ELFN2: variants seen among roughly 807,000 people sequenced by gnomAD.
The protein encoded by ELFN2 is protein phosphatase 1 regulatory subunit 29.
A neutral mutation model predicts 45.5 loss-of-function variants in ELFN2; 17 were observed. That is an observed-to-expected ratio of 0.37 (90% CI 0.26 to 0.56). The LOEUF (loss-of-function observed/expected upper bound fraction) is 0.56. Ranked by LOEUF, ELFN2 falls within the 20% of genes least tolerant of loss-of-function variation. The pLI, the probability that ELFN2 is intolerant of heterozygous loss-of-function variation, is 0.77. For synonymous variants in ELFN2, 550 were observed against 551.5 expected, an observed-to-expected ratio of 1.00 and a Z score of 0.04; for missense variants, 922 against 1,183.2, an observed-to-expected ratio of 0.78 and a Z score of 3.24.
chr22:37,421,428 T>C (rs1932808083), intron 1 of ELFN2, among the ~76,000 whole-genome samples: 1 of 152,130 alleles, frequency 6.6e-6, no homozygotes, highest in Non-Finnish European at 1.5e-5. Context: ...CCTGGGAGGC[T>C]CGCTCCACAC....
chr22:37,424,879 G>C (rs1932836502), intron 1 of ELFN2, among the ~76,000 whole-genome samples: 2 of 152,054 alleles, frequency 1.3e-5, no homozygotes, highest in Non-Finnish European at 1.5e-5. Context: ...CTGGGCTAGG[G>C]GGATAGGAGG....
intron 1 of ELFN2, among the ~76,000 whole-genome samples, chr22:37,343,792 G>A (rs1462571005): frequency 7.5e-6 from 1 of 133,584 alleles, no homozygotes; most frequent in Non-Finnish European, 1.6e-5. Context: ...AGCCCCTCCA[G>A]CTCCCAAACC....
At chr22:37,341,513 T>C (rs568642744) in intron 2 of ELFN2, among the ~76,000 whole-genome samples, 2 of 152,218 alleles carry the variant, frequency 1.3e-5, no homozygotes, top group Admixed American at 1.3e-4. Flanking sequence ...ACTGGTGTGC[T>C]GTGCGGCCCT....
intron 1 of ELFN2, among the ~76,000 whole-genome samples, chr22:37,425,426 C>G (rs1406234981): frequency 6.6e-6 from 1 of 152,174 alleles, no homozygotes; most frequent in African/African-American, 2.4e-5. Flanking sequence ...GACCACGCCA[C>G]GCGTCCTAAG....
intron 1 of ELFN2, among the ~76,000 whole-genome samples, chr22:37,362,040 C>T (rs114156294): frequency 1.5e-3 from 226 of 152,340 alleles, no homozygotes; most frequent in African/African-American, 5.2e-3. Context: ...ATGGGTGGCA[C>T]GGTCCACCCT....
intron 1 of ELFN2, among the ~76,000 whole-genome samples, chr22:37,422,943 CGG>C (rs67054331): frequency 0.01 from 298 of 29,152 alleles, 6 homozygotes; most frequent in Admixed American, 0.015. Flanking sequence ...AACTGGGCCT[CGG>C]GGGGGGGGGG....
intron 1 of ELFN2, among the ~76,000 whole-genome samples, chr22:37,362,237 C>T (rs1356677771): frequency 6.6e-6 from 1 of 152,190 alleles, no homozygotes; most frequent in Non-Finnish European, 1.5e-5. Flanking sequence ...ACATATATGC[C>T]CTGTGGCAGG....
At chr22:37,389,908 A>G (rs1932048414) in intron 2 of ELFN2, among the ~76,000 whole-genome samples, 1 of 152,168 alleles carries the variant, frequency 6.6e-6, no homozygotes, top group East Asian at 1.9e-4. Context: ...CTGCTCTGTA[A>G]GAAAAGCATA....
chr22:37,426,650 AACACAC>A (rs3041620), intron 1 of ELFN2, among the ~76,000 whole-genome samples: 10 of 144,138 alleles, frequency 6.9e-5, no homozygotes, highest in Non-Finnish European at 1.1e-4. Flanking sequence ...CACACACACA[AACACAC>A]ACACACACAC....
rs542678474 is a variant in ELFN2, at chr22:37,421,046, A to C, written c.-613-3127T>G. Among the ~76,000 whole-genome samples, 10 of 152,290 alleles carry C rather than the reference A, an allele frequency of 6.6e-5. No homozygotes were observed. The South Asian group carries it at 1.5e-3, about 22-fold the overall frequency. ...CGTCCACTCTCCCAATCAAAATCTC[A>C]GTGGACAGGGCCCAAGAATCTGCAT... On this transcript the variant is annotated intron_variant, in intron 1 of 2. Coordinates refer to ENST00000402918, the MANE Select transcript of ELFN2 (RefSeq NM_052906.5).
At chr22:37,414,575 C>A (rs2145685065) in intron 2 of ELFN2, among the ~76,000 whole-genome samples, 1 of 152,316 alleles carries the variant, frequency 6.6e-6, no homozygotes, top group African/African-American at 2.4e-5. Flanking sequence ...GCTTGAAGTG[C>A]ATCCTAGGTC....
intron 2 of ELFN2, among the ~76,000 whole-genome samples, chr22:37,391,693 G>A (rs997141021): frequency 1.3e-5 from 2 of 152,236 alleles, no homozygotes; most frequent in Non-Finnish European, 2.9e-5. Context: ...CATAGGTGAA[G>A]GGACAGTGTC....
chr22:37,401,738 A>T (rs1163948975), intron 2 of ELFN2, among the ~76,000 whole-genome samples: 1 of 152,224 alleles, frequency 6.6e-6, no homozygotes, highest in Non-Finnish European at 1.5e-5. Flanking sequence ...CCTTTAATGC[A>T]TGCAAACGAG....
At chr22:37,408,746 C>T (rs1328464826) in intron 2 of ELFN2, among the ~76,000 whole-genome samples, 3 of 152,146 alleles carry the variant, frequency 2.0e-5, no homozygotes, top group Non-Finnish European at 4.4e-5. Flanking sequence ...ATCACCGAGT[C>T]GCTGTGTGGC....
In ELFN2 at chr22:37,386,317, T is replaced by C. The variant is rs1035155137; in HGVS notation, c.-462-10321A>G. ...CTCCTTGGTCCCACCCCTCTCCCCA[T>C]GGACTCCCTCACTCTGCTCACCTAG... On this transcript the variant is annotated intron_variant, in intron 2 of 2. Transcript: ENST00000402918. Among the ~76,000 whole-genome samples, 8 of 152,034 alleles carry C rather than the reference T, an allele frequency of 5.3e-5. No homozygotes were observed. In the East Asian group the frequency reaches 1.5e-3, roughly 29 times the overall value.
chr22:37,350,191 G>A (rs995762960), intron 1 of ELFN2, among the ~76,000 whole-genome samples: 1 of 150,958 alleles, frequency 6.6e-6, no homozygotes, highest in East Asian at 1.9e-4. Flanking sequence ...CTGATGCAAC[G>A]GCGAAACCCC....
At chr22:37,382,536 C>T (rs111278626) in intron 2 of ELFN2, among the ~76,000 whole-genome samples, 2,131 of 140,650 alleles carry the variant, frequency 0.015, 27 homozygotes, top group Middle Eastern at 0.047. Flanking sequence ...AGCCACCACG[C>T]TGGCCTTTTT....
chr22:37,343,072 CAG>C (rs1389375515), intron 1 of ELFN2, among the ~76,000 whole-genome samples: 1 of 152,182 alleles, frequency 6.6e-6, no homozygotes, highest in Non-Finnish European at 1.5e-5. Flanking sequence ...GGTCTGGTCC[CAG>C]GCCTCTTCAA....
intron 2 of ELFN2, among the ~76,000 whole-genome samples, chr22:37,393,103 C>G (rs1208204648): frequency 6.6e-6 from 1 of 152,242 alleles, no homozygotes; most frequent in Non-Finnish European, 1.5e-5. Flanking sequence ...CTCCCAGTGA[C>G]AGCTGCTGTG....
Sources: gnomAD v4.1 joint callset for allele counts (sites outside exome capture counted in the v4.1 genomes callset) on GRCh38, gnomAD v4.1.1 for gene constraint, MANE v1.5 for transcripts, NCBI Gene and HGNC (gene_info 2026-07-23, HGNC 2026-07-21) for gene names.